LHFPL3: variants seen among roughly 807,000 people sequenced by gnomAD.
LHFPL3 encodes the protein LHFPL tetraspan subfamily member 3 protein.
LHFPL3 carries 5 observed loss-of-function variants against 19.3 expected under a neutral mutation model. The ratio of observed to expected loss-of-function variants is 0.26; its 90% CI spans 0.14 to 0.54. LHFPL3 has a LOEUF of 0.54. LHFPL3 is among the 20% of genes least tolerant of loss of function. The pLI is 0.94. For synonymous variants in LHFPL3, 133 were observed against 126.2 expected (o/e 1.05, Z -0.36); for missense variants, 249 against 307.4 (o/e 0.81, Z 1.42).
chr7:104,544,485 C>T (rs1794544120), intron 1 of LHFPL3, among the ~76,000 whole-genome samples: 1 of 152,292 alleles, frequency 6.6e-6, no homozygotes, highest in South Asian at 2.1e-4. Flanking sequence ...CTGTTGTCCT[C>T]TCCCTTAGAA....
intron 1 of LHFPL3, among the ~76,000 whole-genome samples, chr7:104,673,355 C>G (rs1327846355): frequency 6.6e-6 from 1 of 152,208 alleles, no homozygotes; most frequent in African/African-American, 2.4e-5. Flanking sequence ...TCGCTTTTAT[C>G]TATACTGTAT....
At chr7:104,344,510 C>A (rs937982000) in intron 1 of LHFPL3, among the ~76,000 whole-genome samples, 1 of 152,166 alleles carries the variant, frequency 6.6e-6, no homozygotes, top group Non-Finnish European at 1.5e-5. Context: ...TGAAAACATA[C>A]GGTATTTGGT....
At position 104,490,222 on chromosome 7, in the gene LHFPL3, C is replaced by T. The variant is rs150336568; in HGVS notation, c.445+160998C>T. On this transcript the variant is annotated intron_variant, in intron 1 of 2. Transcript: ENST00000424859. Reference sequence around the variant, plus strand: ...GATATTCTTGCCTAACCCTTTCTTCCTAATTAGTTTAATAAATAAGATAAA... The same window carrying T: ...GATATTCTTGCCTAACCCTTTCTTCTTAATTAGTTTAATAAATAAGATAAA... Among the ~76,000 whole-genome samples the T allele has an allele frequency of 6.6e-5, 10 of 152,214 alleles. No individual in the cohort carries two copies. The East Asian group carries it at 1.4e-3, about 21-fold the overall frequency.
At chr7:104,828,832 C>T (rs932640509) in intron 2 of LHFPL3, among the ~76,000 whole-genome samples, 13 of 151,798 alleles carry the variant, frequency 8.6e-5, no homozygotes, top group South Asian at 2.1e-4. Flanking sequence ...GTCAGGAGTT[C>T]GAGACCAGCC....
intron 1 of LHFPL3, among the ~76,000 whole-genome samples, chr7:104,391,324 C>A (rs1174860226): frequency 6.6e-6 from 1 of 152,112 alleles, no homozygotes; most frequent in Admixed American, 6.6e-5. Context: ...TTAGGTCTAA[C>A]GTTTAAGTCT....
At chr7:104,876,108 G>A (rs558029817) in intron 2 of LHFPL3, among the ~76,000 whole-genome samples, 11 of 152,156 alleles carry the variant, frequency 7.2e-5, no homozygotes, top group Admixed American at 1.3e-4. Flanking sequence ...TCCCTTCCTT[G>A]CACCTTATAC....
At chr7:104,480,269 A>G (rs769706942) in intron 1 of LHFPL3, among the ~76,000 whole-genome samples, 11 of 152,196 alleles carry the variant, frequency 7.2e-5, no homozygotes, top group Non-Finnish European at 1.3e-4. Context: ...AAATGAGGTT[A>G]CATTTGCAAA....
chr7:104,418,115 A>T (rs952609746), intron 1 of LHFPL3, among the ~76,000 whole-genome samples: 1 of 151,924 alleles, frequency 6.6e-6, no homozygotes, highest in Admixed American at 6.6e-5. Flanking sequence ...ACCTCAGGTG[A>T]TCCACCTGCC....
At chr7:104,580,625 A>C (rs1188962979) in intron 1 of LHFPL3, among the ~76,000 whole-genome samples, 1 of 151,942 alleles carries the variant, frequency 6.6e-6, no homozygotes, top group Non-Finnish European at 1.5e-5. Flanking sequence ...ACAAATTGGC[A>C]CTCCCCTGTA....
intron 1 of LHFPL3, among the ~76,000 whole-genome samples, chr7:104,420,405 A>G (rs1791704079): frequency 6.6e-6 from 1 of 152,220 alleles, no homozygotes; most frequent in Non-Finnish European, 1.5e-5. Flanking sequence ...GTGGTAACAA[A>G]GAGGATTTTT....
intron 1 of LHFPL3, among the ~76,000 whole-genome samples, chr7:104,440,498 G>A (rs1792203552): frequency 1.3e-5 from 2 of 151,808 alleles, no homozygotes; most frequent in Non-Finnish European, 2.9e-5. Flanking sequence ...CACCAGCATG[G>A]CACATGTATA....
At chr7:104,806,419 T>A (rs1391065976) in intron 2 of LHFPL3, among the ~76,000 whole-genome samples, 1 of 152,188 alleles carries the variant, frequency 6.6e-6, no homozygotes, top group Admixed American at 6.5e-5. Context: ...TCTAAACCAA[T>A]AAAGGGATTG....
intron 1 of LHFPL3, among the ~76,000 whole-genome samples, chr7:104,486,770 T>C (rs1793244909): frequency 6.6e-6 from 1 of 152,226 alleles, no homozygotes; most frequent in Non-Finnish European, 1.5e-5. Context: ...GCTTTTATTT[T>C]TATTAATTTC....
chr7:104,340,671 ATGTT>A (rs1329065853), intron 1 of LHFPL3, among the ~76,000 whole-genome samples: 1 of 152,130 alleles, frequency 6.6e-6, no homozygotes. Context: ...AATTAAGAAA[ATGTT>A]TGCGAGTATT....
intron 1 of LHFPL3, among the ~76,000 whole-genome samples, chr7:104,522,076 A>T (rs1034936408): frequency 1.3e-5 from 2 of 152,056 alleles, no homozygotes; most frequent in Non-Finnish European, 2.9e-5. Context: ...TGCTATAAAG[A>T]CACATGCACA....
intron 2 of LHFPL3, among the ~76,000 whole-genome samples, chr7:104,900,829 G>A (rs886069395): frequency 6.6e-6 from 1 of 152,184 alleles, no homozygotes; most frequent in African/African-American, 2.4e-5. Context: ...AATGTAACAT[G>A]GGCAACTCCG....
At chr7:104,656,923 T>C (rs898837749) in intron 1 of LHFPL3, among the ~76,000 whole-genome samples, 13 of 152,224 alleles carry the variant, frequency 8.5e-5, no homozygotes, top group Non-Finnish European at 1.6e-4. Context: ...GTTACATCTG[T>C]TTTCTGAACT....
chr7:104,464,865 C>T (rs934347534), intron 1 of LHFPL3, among the ~76,000 whole-genome samples: 1 of 152,218 alleles, frequency 6.6e-6, no homozygotes, highest in African/African-American at 2.4e-5. Flanking sequence ...TGGTGATTAA[C>T]ATTTGTCTCC....
intron 2 of LHFPL3, among the ~76,000 whole-genome samples, chr7:104,861,057 A>C (rs1006977997): frequency 6.6e-6 from 1 of 152,248 alleles, no homozygotes; most frequent in Admixed American, 6.5e-5. Flanking sequence ...GTAAAACATA[A>C]GATAATAAGA....
Sources: gnomAD v4.1 joint callset for allele counts (sites outside exome capture counted in the v4.1 genomes callset) on GRCh38, gnomAD v4.1.1 for gene constraint, MANE v1.5 for transcripts, NCBI Gene and HGNC (gene_info 2026-07-23, HGNC 2026-07-21) for gene names.